The following BIN3 variants were observed in gnomAD, a reference collection of about 807,000 sequenced individuals.
BIN3 encodes the protein bridging integrator 3.
BIN3 carries 41 observed loss-of-function variants against 38.2 expected under a neutral mutation model. The observed-to-expected ratio is 1.07, with a 90% confidence interval of 0.84 to 1.39. BIN3 has a LOEUF of 1.39. Ranked by LOEUF, BIN3 falls within the 40% of genes most tolerant of loss-of-function variation. BIN3 has a pLI of 0.00. For missense variants in BIN3, 361 were observed against 324.3 expected (o/e 1.11, Z -0.87); for synonymous variants, 145 against 122.6 (o/e 1.18, Z -1.21).
At chr8:22,641,320 C>T (rs1478558325) in intron 2 of BIN3, among the ~76,000 whole-genome samples, 2 of 152,168 alleles carry the variant, frequency 1.3e-5, no homozygotes, top group African/African-American at 4.8e-5. Context: ...CATTCATTCT[C>T]CAAGGCCCAC....
intron 3 of BIN3, 72 bp from the exon 4 acceptor site, chr8:22,636,658 G>A: frequency 6.8e-7 from 1 of 1,476,470 alleles, no homozygotes. Context: ...AGGTGCTCTG[G>A]AGGGCCTGCC....
chr8:22,654,499 C>T (rs937483823), intron 1 of BIN3, among the ~76,000 whole-genome samples: 1 of 152,008 alleles, frequency 6.6e-6, no homozygotes, highest in African/African-American at 2.4e-5. Flanking sequence ...AACTCCCCTC[C>T]TCCAGCCCTG....
intron 8 of BIN3, 100 bp from the exon 9 acceptor site, chr8:22,621,668 C>T (rs1801825011): frequency 1.6e-6 from 2 of 1,264,584 alleles, no homozygotes; most frequent in Non-Finnish European, 2.2e-6. Flanking sequence ...TGCCCTTACC[C>T]ATCTGGAGCT....
chr8:22,667,841 C>T (rs988041598), intron 1 of BIN3, among the ~76,000 whole-genome samples: 1 of 152,174 alleles, frequency 6.6e-6, no homozygotes, highest in Non-Finnish European at 1.5e-5. Context: ...AGATGGTTCG[C>T]ATTTTACTTT....
At chr8:22,622,760 C>T (rs908937789) in intron 8 of BIN3, 4 of 152,422 alleles carry the variant, frequency 2.6e-5, no homozygotes, top group Non-Finnish European at 5.9e-5. Flanking sequence ...AGAGGCAGGC[C>T]CAGGTCTCCC....
chr8:22,643,250 C>T (rs907250343), intron 2 of BIN3, among the ~76,000 whole-genome samples: 2 of 152,240 alleles, frequency 1.3e-5, no homozygotes, highest in Non-Finnish European at 2.9e-5. Flanking sequence ...AGAGCCTCCA[C>T]AGATGGTCAG....
chr8:22,656,414 C>A (rs1031365134), intron 1 of BIN3, among the ~76,000 whole-genome samples: 13 of 152,168 alleles, frequency 8.5e-5, no homozygotes, highest in African/African-American at 3.1e-4. Context: ...TACTCTGAAA[C>A]CAGTCACCAT....
chr8:22,636,881 C>T (rs1376738289), intron 3 of BIN3, 41 bp downstream of exon 3: 1 of 1,600,130 alleles, frequency 6.2e-7, no homozygotes, highest in Non-Finnish European at 8.6e-7. Context: ...GCCCTTGTCC[C>T]TCCCTGCCTC....
intron 2 of BIN3, among the ~76,000 whole-genome samples, chr8:22,640,257 A>C (rs569630068): frequency 6.6e-6 from 1 of 151,622 alleles, no homozygotes; most frequent in Non-Finnish European, 1.5e-5. Flanking sequence ...TGCTCACTGC[A>C]ACCTCTGCCT....
intron 1 of BIN3, among the ~76,000 whole-genome samples, chr8:22,657,248 T>A (rs1163265171): frequency 1.3e-5 from 2 of 152,246 alleles, no homozygotes; most frequent in African/African-American, 4.8e-5. Context: ...TAACATGCTC[T>A]GACTTAAGGT....
intron 6 of BIN3, among the ~76,000 whole-genome samples, chr8:22,628,583 C>T (rs927496642): frequency 2.6e-4 from 40 of 152,258 alleles, no homozygotes; most frequent in Non-Finnish European, 2.9e-5. Context: ...GGGAAGTGGC[C>T]GGGGTTTCTC....
At chr8:22,660,855 G>A (rs143099274) in intron 1 of BIN3, among the ~76,000 whole-genome samples, 124 of 152,166 alleles carry the variant, frequency 8.1e-4, no homozygotes, top group African/African-American at 2.7e-3. Context: ...CCTGAGTATC[G>A]CACCCTGAGA....
intron 6 of BIN3, among the ~76,000 whole-genome samples, chr8:22,627,336 C>T (rs112335687): frequency 0.021 from 2,720 of 131,680 alleles, 75 homozygotes; most frequent in African/African-American, 0.068. Context: ...TCTGTCACAT[C>T]TGCCCTGGTC....
At position 22,621,363 on chromosome 8, in the gene BIN3, A is replaced by G. The variant is rs1035564550; in HGVS notation, c.*59T>C. The stretch of plus-strand genomic sequence containing the variant: ...TGTGAGAGGAGCAGCTAGCCCTGAG[A>G]AGGGCAAGGATGAATGAGGCTGACC... On this transcript the variant is annotated 3_prime_UTR_variant, in exon 9 of 9. Coordinates refer to ENST00000276416, the MANE Select transcript of BIN3 (RefSeq NM_018688.6). 2 of 1,558,392 alleles carry G rather than the reference A, an allele frequency of 1.3e-6. No individual in the cohort carries two copies. Among genetic ancestry groups the G allele is most frequent in the African/African-American group, 2.7e-5 (2 of 73,872 alleles).
intron 1 of BIN3, among the ~76,000 whole-genome samples, chr8:22,647,185 A>C (rs572054983): frequency 1.0e-3 from 158 of 152,366 alleles, no homozygotes; most frequent in African/African-American, 3.6e-3. Context: ...TAGGATGAGA[A>C]TTCTAAAGAA....
At chr8:22,625,114 G>A (rs1801963172) in intron 6 of BIN3, 1 of 534,226 alleles carries the variant, frequency 1.9e-6, no homozygotes, top group African/African-American at 1.9e-5. Context: ...GTGACTAGAA[G>A]GGACCGCGTG....
chr8:22,649,859 C>CACACACACACA (rs1563973928), intron 1 of BIN3, among the ~76,000 whole-genome samples: 7 of 133,580 alleles, frequency 5.2e-5, no homozygotes, highest in South Asian at 2.3e-4. Context: ...ACACACACAC[C>CACACACACACA]CCCAAAGGAA....
At chr8:22,637,402 C>T (rs1418735309) in intron 2 of BIN3, among the ~76,000 whole-genome samples, 2 of 152,202 alleles carry the variant, frequency 1.3e-5, no homozygotes, top group Non-Finnish European at 2.9e-5. Flanking sequence ...CAGGGCACCT[C>T]CCCTCCTACG....
At position 22,630,478 on chromosome 8, in the gene BIN3, C is replaced by G. The variant is rs747408772; in HGVS notation, c.261G>C (p.Thr87=). ...TGAAGGCATCCATCCGCTTCATGGC[C>G]GTGTCCAGGGCCGTCACCATGTTCA... ...DLLNMVTALD[T]AMKRMDAFNQ... is the part of the protein sequence containing the mutation. The change falls in exon 5 of 9, where the codon ACG becomes ACC. Residue 87 remains threonine (T), a synonymous_variant. Coordinates refer to ENST00000276416, the MANE Select transcript of BIN3 (RefSeq NM_018688.6). 1.2e-6 allele frequency: 2 copies of G among 1,614,012 alleles called. No homozygotes were observed. The highest frequency in any genetic ancestry group is 1.7e-6 in the Non-Finnish European group (2 of 1,179,878).
Sources: gnomAD v4.1 joint callset for allele counts (sites outside exome capture counted in the v4.1 genomes callset) on GRCh38, gnomAD v4.1.1 for gene constraint, MANE v1.5 for transcripts, NCBI Gene and HGNC (gene_info 2026-07-23, HGNC 2026-07-21) for gene names.